The following RELL1 variants were observed in gnomAD, a reference collection of about 807,000 sequenced individuals.
RELL1 encodes the protein RELT like 1.
A neutral mutation model predicts 23.0 loss-of-function variants in RELL1; 10 were observed. The observed-to-expected ratio is 0.43, with a 90% CI of 0.27 to 0.74. The LOEUF (loss-of-function observed/expected upper bound fraction) is 0.74, where lower values mean the gene tolerates loss of function less well. Ranked by LOEUF, RELL1 falls within the 30% of genes least tolerant of loss-of-function variation. The pLI is 0.19. For missense variants in RELL1, 315 were observed against 364.4 expected (o/e 0.86, Z 1.10); for synonymous variants, 146 against 146.8 (o/e 0.99, Z 0.04).
chr4:37,650,111 A>C (rs955867152), intron 1 of RELL1, among the ~76,000 whole-genome samples: 3 of 152,228 alleles, frequency 2.0e-5, no homozygotes, highest in Non-Finnish European at 4.4e-5. Context: ...ACTAGCAAGC[A>C]ACATAGCAAA....
At chr4:37,661,850 C>T (rs985573935) in intron 1 of RELL1, among the ~76,000 whole-genome samples, 5 of 152,182 alleles carry the variant, frequency 3.3e-5, no homozygotes, top group African/African-American at 9.7e-5. Context: ...AAGTGCTGAA[C>T]TCTGTAGTGA....
intron 1 of RELL1, among the ~76,000 whole-genome samples, chr4:37,669,760 A>G (rs1314308237): frequency 1.3e-5 from 2 of 152,184 alleles, no homozygotes; most frequent in African/African-American, 2.4e-5. Context: ...GCTCTCTGCA[A>G]CATGTGCTGT....
intron 6 of RELL1, among the ~76,000 whole-genome samples, chr4:37,626,492 AATT>A (rs781275479): frequency 2.0e-4 from 31 of 152,150 alleles, no homozygotes; most frequent in Non-Finnish European, 2.9e-4. Flanking sequence ...CAAACAAACA[AATT>A]AAAAATAGAA....
chr4:37,592,161 A>T (rs1722013523), intron 6 of RELL1, among the ~76,000 whole-genome samples: 1 of 149,000 alleles, frequency 6.7e-6, no homozygotes, highest in African/African-American at 2.5e-5. Context: ...GTGAGCTGAG[A>T]TCGTGCCACT....
In RELL1 at chr4:37,591,099, C is replaced by G. The variant is rs959536058; in HGVS notation, c.*122G>C. 3.1e-6 allele frequency: 3 copies of G among 982,536 alleles called. No homozygotes were observed. In the African/African-American group the frequency reaches 4.9e-5, roughly 16 times the overall value. The allele number at this position is 982,536 out of a possible 1,614,324, so 60.9% of individuals were successfully genotyped here. On this transcript the variant is annotated 3_prime_UTR_variant, in exon 7 of 7. Coordinates refer to the RELL1 transcript ENST00000314117. The stretch of plus-strand genomic sequence containing the variant: ...AGCAGGTGATTCTGCCAGCATGCAC[C>G]AGTGCAGCCTTACCAGTTGTTTACA...
intron 1 of RELL1, among the ~76,000 whole-genome samples, chr4:37,683,591 T>C (rs1722291517): frequency 6.6e-6 from 1 of 151,706 alleles, no homozygotes; most frequent in African/African-American, 2.4e-5. Flanking sequence ...GCCCCGATTC[T>C]ACTAAAAAAT....
intron 6 of RELL1, among the ~76,000 whole-genome samples, chr4:37,626,500 A>T (rs1719953234): frequency 1.3e-5 from 2 of 152,144 alleles, no homozygotes; most frequent in South Asian, 2.1e-4. Context: ...CAAATTAAAA[A>T]TAGAACTACC....
chr4:37,594,347 C>A (rs2109474835), intron 6 of RELL1, among the ~76,000 whole-genome samples: 1 of 152,270 alleles, frequency 6.6e-6, no homozygotes, highest in Non-Finnish European at 1.5e-5. Flanking sequence ...AAATAGCCAA[C>A]CTTTTCAAAC....
chr4:37,637,482 A>G (rs960995104), intron 4 of RELL1, among the ~76,000 whole-genome samples: 10 of 152,278 alleles, frequency 6.6e-5, no homozygotes, highest in African/African-American at 2.4e-4. Flanking sequence ...CCTTCTTCCT[A>G]CAGCCAGCCC....
intron 1 of RELL1, among the ~76,000 whole-genome samples, chr4:37,664,247 G>A (rs1351432235): frequency 1.3e-5 from 2 of 151,890 alleles, no homozygotes; most frequent in Admixed American, 6.6e-5. Context: ...ATGGTGGCAC[G>A]TGCCTGTAGT....
At chr4:37,592,256 T>G (rs1325475156) in intron 6 of RELL1, among the ~76,000 whole-genome samples, 1 of 147,058 alleles carries the variant, frequency 6.8e-6, no homozygotes, top group Non-Finnish European at 1.5e-5. Context: ...GTGGCTCATG[T>G]CTGTAATCTG....
chr4:37,605,677 C>T (rs555381028), downstream of RELL1, among the ~76,000 whole-genome samples: 9 of 150,982 alleles, frequency 6.0e-5, no homozygotes, highest in Admixed American at 3.3e-4. Context: ...GGGAGGCAAA[C>T]GTTGCAGCGA....
chr4:37,660,190 C>T (rs1721276488), intron 1 of RELL1, among the ~76,000 whole-genome samples: 1 of 152,080 alleles, frequency 6.6e-6, no homozygotes, highest in Non-Finnish European at 1.5e-5. Flanking sequence ...GTTCATTTCT[C>T]TAAAGGGGTT....
chr4:37,604,834 C>CACACACACACACAT (rs1719124803), intron 6 of RELL1, among the ~76,000 whole-genome samples: 3 of 105,270 alleles, frequency 2.8e-5, no homozygotes, highest in Non-Finnish European at 5.6e-5. Context: ...CACACACATA[C>CACACACACACACAT]ACACAGACAC....
At position 37,645,842 on chromosome 4, in the gene RELL1, C is replaced by T. The variant is rs78674196; in HGVS notation, c.385+1526G>A. ...TAAAAACAGCAATGAAAATTATGCT[C>T]AACCATACGAAACTGCTGTTTCTCT... On this transcript the variant is annotated intron_variant, in intron 3 of 6. Coordinates refer to ENST00000454158, the MANE Select transcript of RELL1 (RefSeq NM_001085400.2). Among the ~76,000 whole-genome samples the T allele has an allele frequency of 1.1e-3, 167 of 152,332 alleles. 2 individuals carry two copies. The East Asian group carries it at 0.03, about 28-fold the overall frequency.
At chr4:37,680,495 T>C (rs1284780880) in intron 1 of RELL1, among the ~76,000 whole-genome samples, 2 of 152,224 alleles carry the variant, frequency 1.3e-5, no homozygotes, top group African/African-American at 4.8e-5. Context: ...TGAATCCATA[T>C]AGTGGAACAG....
downstream of RELL1, chr4:37,590,259 C>T (rs1455381636): frequency 6.2e-7 from 1 of 1,614,170 alleles, no homozygotes; most frequent in Admixed American, 1.7e-5. Flanking sequence ...AGAGCAGCAG[C>T]AGGACAGCTG....
rs869260737 is a variant in RELL1 at position 37,598,284 on chromosome 4, A to AAAAAAAAG, written c.*4-7068_*4-7067insCTTTTTTT. Among the ~76,000 whole-genome samples the AAAAAAAAG allele has an allele frequency of 4.2e-4, 49 of 117,244 alleles. 2 individuals are homozygous for AAAAAAAAG. Among genetic ancestry groups the AAAAAAAAG allele is most frequent in the African/African-American group, 1.3e-3 (36 of 26,874 alleles). The allele number at this position is 117,244 out of a possible 152,430, so 76.9% of individuals were successfully genotyped here. On this transcript the variant is annotated intron_variant, in intron 6 of 6. Coordinates refer to the RELL1 transcript ENST00000314117. ...AAAAAAAAAAAAAAAAAAAAAAAAA[A>AAAAAAAAG]GTTTATAGGAAGAAAATATATAGAG...
intron 6 of RELL1, among the ~76,000 whole-genome samples, chr4:37,603,552 A>G (rs1719072862): frequency 6.6e-6 from 1 of 152,148 alleles, no homozygotes; most frequent in Non-Finnish European, 1.5e-5. Flanking sequence ...GCGCGACGCC[A>G]TTTCCAAGCC....
Sources: gnomAD v4.1 joint callset for allele counts (sites outside exome capture counted in the v4.1 genomes callset) on GRCh38, gnomAD v4.1.1 for gene constraint, MANE v1.5 for transcripts, NCBI Gene and HGNC (gene_info 2026-07-23, HGNC 2026-07-21) for gene names.